The following PKHD1 variants were observed in gnomAD, a reference collection of about 807,000 sequenced individuals.
PKHD1 encodes PKHD1 ciliary IPT domain containing fibrocystin/polyductin.
In PKHD1, 291 loss-of-function variants were observed where a neutral mutation model predicts 412.0. That is an observed-to-expected ratio of 0.71 (90% CI 0.64 to 0.78). The LOEUF (loss-of-function observed/expected upper bound fraction) is 0.78, where lower values mean the gene tolerates loss of function less well. Among genes scored for constraint, PKHD1 ranks in the 30% least tolerant of loss-of-function variants. PKHD1 has a pLI of 0.00. For synonymous variants in PKHD1, 1,777 were observed against 1,821.5 expected, an observed-to-expected ratio of 0.98 and a Z score of 0.62; for missense variants, 4,825 against 4,950.7, an observed-to-expected ratio of 0.97 and a Z score of 0.76.
intron 44 of PKHD1, 86 bp from the exon 45 acceptor site, chr6:51,886,058 T>A: frequency 1.2e-6 from 1 of 841,124 alleles, no homozygotes; most frequent in Non-Finnish European, 2.0e-6. Context: ...AAAGTAAAAG[T>A]AATGTATTAG....
chr6:51,785,759 G>A (rs757413964), intron 53 of PKHD1, among the ~76,000 whole-genome samples: 5 of 151,750 alleles, frequency 3.3e-5, no homozygotes, highest in South Asian at 2.1e-4. Flanking sequence ...AAAGACTTGC[G>A]CTCCTCAAAA....
intron 34 of PKHD1, among the ~76,000 whole-genome samples, chr6:52,014,625 AATGG>A (rs2128124858): frequency 6.7e-6 from 1 of 149,470 alleles, no homozygotes; most frequent in Admixed American, 6.7e-5. Context: ...ACACTGGATA[AATGG>A]ATGGATCATG....
chr6:51,735,799 T>C (rs1783768264), intron 60 of PKHD1, among the ~76,000 whole-genome samples: 1 of 151,866 alleles, frequency 6.6e-6, no homozygotes, highest in South Asian at 2.1e-4. Context: ...CCAGGTGTGG[T>C]GACATGTGCC....
At position 51,867,921 on chromosome 6, in the gene PKHD1, C is replaced by A. The variant is rs150046042; in HGVS notation, c.7675G>T (p.Val2559Phe). ...CCTCCACAGGCACTGCCATGGACAA[C>A]CCGACCAAAGCTTGAATTGACCAAA... ...SCLVNSSFGR[V>F]VHGSACGGGV... Residue 2559 changes from valine to phenylalanine, a missense_variant, in exon 48 of 67, where the codon GTT (valine) becomes TTT (phenylalanine). By Grantham distance (50) the Val-to-Phe change is conservative (BLOSUM62 -1). Transcript: ENST00000371117. 6.2e-7 allele frequency: 1 copy of A among 1,612,988 alleles called. No individual in the cohort carries two copies. The highest frequency in any genetic ancestry group is 1.3e-5 in the African/African-American group (1 of 74,890).
rs1562042637 is a variant in PKHD1 at position 51,659,614 on chromosome 6, C to T, written c.10512G>A (p.Gln3504=). The T allele has an allele frequency of 1.2e-6, 2 of 1,613,694 alleles. No individual in the cohort carries two copies. Among genetic ancestry groups the T allele is most frequent in the Non-Finnish European group, 1.7e-6 (2 of 1,179,816 alleles). The part of the protein sequence containing the change: ...LLLAVFYHEL[Q]SPHVFLGESF... The stretch of plus-strand genomic sequence containing the variant: ...TTTCCCCTAAGAAGACGTGGGGGCT[C>T]TGGAGCTCATGGTAGAATACAGCCA... The change falls in exon 61 of 67, where the codon CAG becomes CAA. Residue 3504 remains glutamine, a synonymous_variant. Coordinates refer to ENST00000371117, the MANE Select transcript of PKHD1 (RefSeq NM_138694.4).
chr6:52,079,230 G>A (rs1310703975), intron 5 of PKHD1, among the ~76,000 whole-genome samples: 6 of 152,158 alleles, frequency 3.9e-5, no homozygotes. Context: ...CCCAGTATAG[G>A]TATCAAGGCT....
chr6:52,066,096 A>G lies in PKHD1; in HGVS notation c.779-19T>C. ...AATATTTCTGCAAGAGTTAAAAAAAAAAAAAAGTAAGCTTCCAAATATAGA... is the reference window on the plus strand; with the variant it reads ...AATATTTCTGCAAGAGTTAAAAAAAGAAAAAAGTAAGCTTCCAAATATAGA... On this transcript the variant is annotated intron_variant, in intron 11 of 66. Coordinates refer to ENST00000371117, the MANE Select transcript of PKHD1 (RefSeq NM_138694.4). The G allele has an allele frequency of 8.2e-7, 1 of 1,225,182 alleles. No individual in the cohort carries two copies. Among genetic ancestry groups the G allele is most frequent in the South Asian group, 1.2e-5 (1 of 82,334 alleles). 75.9% of individuals were successfully genotyped at this position (1,225,182 alleles called of 1,614,324 possible). A position where few individuals can be genotyped will look rare whatever the true frequency, so the allele number is the denominator to read the frequency against.
At chr6:51,828,655 G>A (rs140674652) in intron 52 of PKHD1, among the ~76,000 whole-genome samples, 3 of 152,146 alleles carry the variant, frequency 2.0e-5, no homozygotes, top group South Asian at 2.1e-4. Context: ...CTTACTGAAC[G>A]TCTACTTTGC....
chr6:51,775,689 C>T (rs1456467080), intron 54 of PKHD1, 119 bp downstream of exon 54: 3 of 641,492 alleles, frequency 4.7e-6, no homozygotes, highest in East Asian at 5.6e-5. Context: ...ATATAAATTG[C>T]CTAAAAGGGT....
intron 53 of PKHD1, among the ~76,000 whole-genome samples, chr6:51,787,696 G>T (rs1357729424): frequency 6.6e-6 from 1 of 152,152 alleles, no homozygotes; most frequent in Non-Finnish European, 1.5e-5. Flanking sequence ...GTAGAAAATA[G>T]AATTGGGAAT....
intron 52 of PKHD1, among the ~76,000 whole-genome samples, chr6:51,805,934 T>C (rs1763693158): frequency 6.6e-6 from 1 of 152,128 alleles, no homozygotes; most frequent in African/African-American, 2.4e-5. Context: ...TTGTGAATAG[T>C]GCCACAATAA....
rs775628123 is a variant in PKHD1, at chr6:51,748,613, G to A, written c.9003C>T (p.Tyr3001=). The A allele has an allele frequency of 1.9e-6, 3 of 1,613,616 alleles. No homozygotes were observed. Among genetic ancestry groups the A allele is most frequent in the South Asian group, 2.2e-5 (2 of 91,066 alleles). ...VEIQNFGSPL[Y]SSVEFSNVSA... ...ACACATTACTGAATTCAACAGATGA[G>A]TACAATGGTGACCCGAAGTTCTGAA... is the stretch of plus-strand genomic sequence containing the variant. Residue 3001 remains tyrosine, a synonymous_variant, in exon 58 of 67, where the codon TAC becomes TAT. Transcript: ENST00000371117.
chr6:51,910,847 T>C (rs1782831883), intron 39 of PKHD1, among the ~76,000 whole-genome samples: 1 of 152,062 alleles, frequency 6.6e-6, no homozygotes, highest in Admixed American at 6.6e-5. Context: ...GAGGCCAAAC[T>C]GCCTCTCTAC....
At chr6:52,033,290 A>T in intron 28 of PKHD1, 125 bp from the exon 29 acceptor site, 1 of 779,028 alleles carries the variant, frequency 1.3e-6, no homozygotes, top group Non-Finnish European at 2.2e-6. Flanking sequence ...CCTAAAGGGT[A>T]TATTTCCTAC....
intron 5 of PKHD1, among the ~76,000 whole-genome samples, chr6:52,079,369 A>G (rs1471083617): frequency 6.6e-6 from 1 of 152,208 alleles, no homozygotes; most frequent in Middle Eastern, 3.2e-3. Flanking sequence ...TAGCAGAAAT[A>G]TACCAGGAAG....
chr6:51,793,026 T>A (rs1952193), intron 52 of PKHD1, among the ~76,000 whole-genome samples: 89,309 of 152,018 alleles, frequency 0.59, 26,970 homozygotes, highest in East Asian at 0.83. Context: ...TCTTTTTAAA[T>A]CCCTAGTGTT....
rs771255323 is a variant in PKHD1 at position 52,044,951 on chromosome 6, C to G, written c.2715+15G>C. The G allele has an allele frequency of 1.2e-6, 2 of 1,613,090 alleles. No individual in the cohort carries two copies. The highest frequency in any genetic ancestry group is 2.2e-5 in the East Asian group (1 of 44,872). On this transcript the variant is annotated intron_variant, in intron 25 of 66. Transcript: ENST00000371117. ...AAACTGGAGCTTGCACTTAGGGTGGCCCATTCACTCTCACCTGAGTATGCT... is the reference window on the plus strand; with the variant it reads ...AAACTGGAGCTTGCACTTAGGGTGGGCCATTCACTCTCACCTGAGTATGCT...
intron 14 of PKHD1, among the ~76,000 whole-genome samples, chr6:52,062,128 C>G (rs1808772616): frequency 6.6e-6 from 1 of 152,152 alleles, no homozygotes; most frequent in Admixed American, 6.5e-5. Flanking sequence ...AGGCTTTGCT[C>G]CCTCATGTAC....
In PKHD1 at chr6:51,638,901, G is replaced by A. The variant is rs2150329240; in HGVS notation, c.11454C>T (p.Val3818=). The A allele has an allele frequency of 6.2e-7, 1 of 1,613,224 alleles. No homozygotes were observed. The highest frequency in any genetic ancestry group is 1.1e-5 in the South Asian group (1 of 91,056). The change falls in exon 64 of 67, where the codon GTC becomes GTT. Residue 3818 remains valine (V), a synonymous_variant. Transcript: ENST00000371117. The part of the protein sequence containing the change: ...DGYVSFYNLA[V]LISGSNWHFI... ...AGTGCCAGTTTGACCCAGAGATCAA[G>A]ACTGCCAAGTTGTAGAAGCTAACAT... is the stretch of plus-strand genomic sequence containing the variant.
Sources: allele counts gnomAD v4.1 joint callset (sites outside exome capture counted in the v4.1 genomes callset), GRCh38; gene constraint gnomAD v4.1.1; transcripts MANE v1.5; gene names NCBI Gene and HGNC (gene_info 2026-07-23, HGNC 2026-07-21).